The following RAP1A variants were observed in gnomAD, a reference collection of about 807,000 sequenced individuals.
RAP1A encodes RAP1A, member of RAS oncogene family.
Under a neutral mutation model 26.4 loss-of-function variants are expected in RAP1A, and 6 were observed. That is an observed-to-expected ratio of 0.23 (90% confidence interval 0.12 to 0.45). The LOEUF (loss-of-function observed/expected upper bound fraction) is 0.45, where lower values mean the gene tolerates loss of function less well. Among genes scored for constraint, RAP1A ranks in the 20% least tolerant of loss-of-function variants. The pLI is 0.99. For synonymous variants in RAP1A, 73 were observed against 79.4 expected (o/e 0.92, Z 0.43); for missense variants, 121 against 217.2 (o/e 0.56, Z 2.78).
intron 1 of RAP1A, chr1:111,648,191 G>GTGTGTT: frequency 6.0e-6 from 2 of 332,854 alleles, no homozygotes; most frequent in South Asian, 4.6e-5. Context: ...GTGTGTGTGT[G>GTGTGTT]TGTGTGTGTG....
chr1:111,634,947 C>G (rs923786240), intron 1 of RAP1A, among the ~76,000 whole-genome samples: 26 of 152,064 alleles, frequency 1.7e-4, no homozygotes, highest in African/African-American at 6.0e-4. Flanking sequence ...CTGGCCTGTT[C>G]ATATATTTTA....
upstream of RAP1A, among the ~76,000 whole-genome samples, chr1:111,615,913 T>A (rs473339): frequency 0.86 from 130,839 of 151,804 alleles, 56,577 homozygotes; most frequent in African/African-American, 0.91. Flanking sequence ...TAACTCCTGT[T>A]TTGGACTATG....
chr1:111,594,401 GC>G (rs1352291764), intron 1 of RAP1A, among the ~76,000 whole-genome samples: 1 of 151,996 alleles, frequency 6.6e-6, no homozygotes, highest in Non-Finnish European at 1.5e-5. Flanking sequence ...AATTGCTTGA[GC>G]CCAGGAGGCC....
chr1:111,601,618 T>C (rs547912813), intron 1 of RAP1A, among the ~76,000 whole-genome samples: 11 of 152,354 alleles, frequency 7.2e-5, no homozygotes, highest in African/African-American at 2.6e-4. Flanking sequence ...TCACCCTTCC[T>C]GTCTATGTAC....
intron 1 of RAP1A, among the ~76,000 whole-genome samples, chr1:111,620,624 C>T (rs1447524458): frequency 1.3e-5 from 2 of 152,202 alleles, no homozygotes; most frequent in Admixed American, 6.5e-5. Flanking sequence ...CCCACTCCAC[C>T]TTCCAGCCCC....
At chr1:111,583,290 T>TA (rs33946441) in intron 1 of RAP1A, among the ~76,000 whole-genome samples, 3,629 of 143,662 alleles carry the variant, frequency 0.025, 153 homozygotes, top group African/African-American at 0.088. Flanking sequence ...GCTCATGCTT[T>TA]AAAAAAAAAA....
intron 1 of RAP1A, among the ~76,000 whole-genome samples, chr1:111,567,494 A>G (rs2101053325): frequency 6.6e-6 from 1 of 152,302 alleles, no homozygotes; most frequent in Admixed American, 6.5e-5. Flanking sequence ...ATAAAATGAC[A>G]ATCCTATTGT....
At chr1:111,622,773 A>G (rs571900193) in intron 1 of RAP1A, among the ~76,000 whole-genome samples, 2 of 152,308 alleles carry the variant, frequency 1.3e-5, no homozygotes, top group Admixed American at 1.3e-4. Context: ...CCTCTCTTCA[A>G]CATTTAACTA....
intron 1 of RAP1A, among the ~76,000 whole-genome samples, chr1:111,638,997 G>A (rs186958580): frequency 1.3e-5 from 2 of 152,164 alleles, no homozygotes; most frequent in East Asian, 1.9e-4. Context: ...GAACAAACAA[G>A]CTATTGAGCT....
At chr1:111,588,530 C>T (rs1323622287) in intron 1 of RAP1A, among the ~76,000 whole-genome samples, 1 of 152,162 alleles carries the variant, frequency 6.6e-6, no homozygotes, top group Non-Finnish European at 1.5e-5. Context: ...ACATCTTTAG[C>T]CTCTTATTCC....
intron 1 of RAP1A, among the ~76,000 whole-genome samples, chr1:111,647,369 A>G (rs908483998): frequency 2.6e-5 from 4 of 152,134 alleles, no homozygotes; most frequent in African/African-American, 9.7e-5. Flanking sequence ...ATTGTTTCAT[A>G]TCATTATTAT....
chr1:111,710,224 A>G lies in RAP1A; in HGVS notation c.*29+960A>G, dbSNP rs370705471. The stretch of plus-strand genomic sequence containing the variant: ...TTTGGTAGTTATTTCCCTCTCTGGT[A>G]TGAGTCAACTTCTTTCAAATAAAGG... On this transcript the variant is annotated intron_variant, in intron 7 of 7. Coordinates refer to ENST00000369709, the MANE Select transcript of RAP1A (RefSeq NM_002884.4). 5.3e-5 allele frequency among the ~76,000 whole-genome samples: 8 copies of G among 152,210 alleles called. No individual in the cohort carries two copies. The South Asian group carries it at 1.0e-3, about 20-fold the overall frequency.
chr1:111,648,526 G>A (rs1318955786), intron 1 of RAP1A: 3 of 559,250 alleles, frequency 5.4e-6, no homozygotes, highest in East Asian at 4.3e-5. Flanking sequence ...CCCTCTGCCC[G>A]GGTCTGTGCC....
chr1:111,698,620 T>C (rs781177485), intron 4 of RAP1A, among the ~76,000 whole-genome samples: 8 of 152,174 alleles, frequency 5.3e-5, no homozygotes, highest in Non-Finnish European at 8.8e-5. Flanking sequence ...AGTTTTCCAC[T>C]ATAATTTTTA....
rs11455954 is a variant in RAP1A, at chr1:111,669,040, A to G, written c.-27-22294A>G. 7.3e-4 allele frequency among the ~76,000 whole-genome samples: 102 copies of G among 140,432 alleles called. 2 individuals carry two copies. Among genetic ancestry groups the G allele is most frequent in the South Asian group, 1.3e-3 (6 of 4,538 alleles). 92.1% of individuals were successfully genotyped at this position (140,432 alleles called of 152,430 possible). On this transcript the variant is annotated intron_variant, in intron 1 of 7. Transcript: ENST00000369709. ...CCCTATCTCAAGAAAAAAAAAAAAA[A>G]AAAAAAAAGAAAGAAAAGAAATGTA...
intron 1 of RAP1A, among the ~76,000 whole-genome samples, chr1:111,543,976 T>C (rs1656944228): frequency 6.6e-6 from 1 of 152,212 alleles, no homozygotes. Context: ...TGAAGGTTTC[T>C]AAATTTTATT....
chr1:111,657,768 G>A (rs1391833483), intron 1 of RAP1A, among the ~76,000 whole-genome samples: 1 of 152,108 alleles, frequency 6.6e-6, no homozygotes, highest in Admixed American at 6.6e-5. Flanking sequence ...CCATATATGT[G>A]AGGGATTTAT....
At chr1:111,604,460 T>G (rs187724626) in intron 1 of RAP1A, 17 of 152,348 alleles carry the variant, frequency 1.1e-4, no homozygotes, top group Non-Finnish European at 2.2e-4. Context: ...CTACTTTAAC[T>G]TAATTCCCAG....
intron 1 of RAP1A, among the ~76,000 whole-genome samples, chr1:111,603,586 G>A (rs1658712102): frequency 6.6e-6 from 1 of 152,076 alleles, no homozygotes; most frequent in Non-Finnish European, 1.5e-5. Context: ...AAAATTTTAG[G>A]TAACAAATAT....
Sources: allele counts gnomAD v4.1 joint callset (sites outside exome capture counted in the v4.1 genomes callset), GRCh38; gene constraint gnomAD v4.1.1; transcripts MANE v1.5; gene names NCBI Gene and HGNC (gene_info 2026-07-23, HGNC 2026-07-21).